HEMK2: variants seen among roughly 807,000 people sequenced by gnomAD.
HEMK2 encodes the protein methyltransferase HEMK2.
At chr21:28,623,806 G>A in the HEMK2 span, among the ~76,000 whole-genome samples, 1 of 152,142 alleles carries the variant, frequency 6.6e-6, no homozygotes, top group East Asian at 1.9e-4. Flanking sequence ...ACACAGGGAG[G>A]GGAACATCAC....
chr21:28,600,208 A>C, the HEMK2 span, among the ~76,000 whole-genome samples: 10,554 of 152,320 alleles, frequency 0.069, 431 homozygotes, highest in South Asian at 0.13. Flanking sequence ...CATAGCAGAG[A>C]TTCTTCATGA....
chr21:28,824,063 TC>T, the HEMK2 span, among the ~76,000 whole-genome samples: 1 of 152,202 alleles, frequency 6.6e-6, no homozygotes, highest in Non-Finnish European at 1.5e-5. Context: ...TGAGAACTAT[TC>T]TAGACTCAGG....
At chr21:28,684,416 C>T in the HEMK2 span, among the ~76,000 whole-genome samples, 8 of 152,304 alleles carry the variant, frequency 5.3e-5, no homozygotes, top group African/African-American at 1.9e-4. Flanking sequence ...ATTAGTAATA[C>T]CTTGAAATTC....
the HEMK2 span, among the ~76,000 whole-genome samples, chr21:28,754,350 G>A: frequency 5.5e-4 from 84 of 152,330 alleles, no homozygotes; most frequent in African/African-American, 1.8e-3. Context: ...TGAACTTGGC[G>A]GAGCCTACCT....
the HEMK2 span, among the ~76,000 whole-genome samples, chr21:28,710,764 G>C: frequency 1.3e-5 from 2 of 152,172 alleles, no homozygotes. Context: ...AAAGAATCAA[G>C]TGATCCTGTC....
chr21:28,637,063 T>C, the HEMK2 span, among the ~76,000 whole-genome samples: 1 of 152,264 alleles, frequency 6.6e-6, no homozygotes, highest in South Asian at 2.1e-4. Flanking sequence ...GTGCTCAGAG[T>C]CGACTGGGTA....
At chr21:28,874,606 T>C in the HEMK2 span, 8 of 152,264 alleles carry the variant, frequency 5.3e-5, no homozygotes, top group African/African-American at 1.9e-4. Context: ...ATGACAGGTG[T>C]GGCTGGAGAA....
chr21:28,849,114 T>A, the HEMK2 span, among the ~76,000 whole-genome samples: 1 of 152,096 alleles, frequency 6.6e-6, no homozygotes, highest in South Asian at 2.1e-4. Context: ...TTGTGGCCAG[T>A]GGACTGGGAA....
At chr21:28,745,492 C>T in the HEMK2 span, among the ~76,000 whole-genome samples, 5 of 152,172 alleles carry the variant, frequency 3.3e-5, no homozygotes, top group African/African-American at 1.2e-4. Flanking sequence ...TCAGCTTTGA[C>T]CTCTCCTGCC....
At chr21:28,763,143 A>ACT in the HEMK2 span, among the ~76,000 whole-genome samples, 1 of 152,002 alleles carries the variant, frequency 6.6e-6, no homozygotes, top group Non-Finnish European at 1.5e-5. Context: ...GTAGTGCAAA[A>ACT]CTCTGTCATT....
chr21:28,765,543 T>A, the HEMK2 span, among the ~76,000 whole-genome samples: 2 of 152,272 alleles, frequency 1.3e-5, no homozygotes, highest in Non-Finnish European at 2.9e-5. Flanking sequence ...TATTGAATAC[T>A]TTTAAACCAA....
chr21:28,819,539 T>A, the HEMK2 span, among the ~76,000 whole-genome samples: 593 of 138,190 alleles, frequency 4.3e-3, 4 homozygotes, highest in African/African-American at 0.016. Context: ...TTTATTTTTC[T>A]TTTCCTTTTT....
the HEMK2 span, among the ~76,000 whole-genome samples, chr21:28,801,246 A>C: frequency 6.6e-6 from 1 of 152,232 alleles, no homozygotes; most frequent in South Asian, 2.1e-4. Flanking sequence ...GAAAGGTGCT[A>C]CTCAATAAAT....
the HEMK2 span, among the ~76,000 whole-genome samples, chr21:28,744,133 C>A: frequency 6.6e-6 from 1 of 152,062 alleles, no homozygotes; most frequent in Non-Finnish European, 1.5e-5. Context: ...AAAAAACTAT[C>A]TGATACTATG....
At chr21:28,801,850 G>A in the HEMK2 span, among the ~76,000 whole-genome samples, 50 of 152,082 alleles carry the variant, frequency 3.3e-4, 1 homozygote, top group East Asian at 8.1e-3. Flanking sequence ...CATCACTGTT[G>A]GATTAACAAA....
chr21:28,681,664 T>C, the HEMK2 span, among the ~76,000 whole-genome samples: 7 of 152,106 alleles, frequency 4.6e-5, no homozygotes, highest in South Asian at 1.0e-3. Context: ...TACAAGGCTA[T>C]AGTAACCAAA....
the HEMK2 span, among the ~76,000 whole-genome samples, chr21:28,824,442 T>A: frequency 2.8e-4 from 43 of 152,348 alleles, no homozygotes; most frequent in Admixed American, 3.9e-4. Flanking sequence ...AAAAATTACA[T>A]ATTTATATAG....
chr21:28,602,178 T>G, the HEMK2 span, among the ~76,000 whole-genome samples: 1 of 152,374 alleles, frequency 6.6e-6, no homozygotes, highest in East Asian at 1.9e-4. Flanking sequence ...CTTCGTTGGT[T>G]GTCTTTGATA....
chr21:28,706,283 T>C, the HEMK2 span, among the ~76,000 whole-genome samples: 2 of 152,184 alleles, frequency 1.3e-5, no homozygotes, highest in African/African-American at 2.4e-5. Context: ...CAGTTGCAAC[T>C]ACAAATTCAT....
Sources: gnomAD v4.1 joint callset for allele counts (sites outside exome capture counted in the v4.1 genomes callset) on GRCh38, gnomAD v4.1.1 for gene constraint, MANE v1.5 for transcripts, NCBI Gene and HGNC (gene_info 2026-07-23, HGNC 2026-07-21) for gene names.